Variants in SGIP1 observed in about 807,000 individuals in gnomAD.
SGIP1 encodes the protein SH3GL interacting endocytic adaptor 1.
SGIP1 carries 38 observed loss-of-function variants against 107.5 expected under a neutral mutation model. That is an observed-to-expected ratio of 0.35 (90% CI 0.27 to 0.46). SGIP1 has a LOEUF of 0.46. Among genes scored for constraint, SGIP1 ranks in the 20% least tolerant of loss-of-function variants. SGIP1 has a pLI of 1.00. For missense variants in SGIP1, 929 were observed against 1,019.5 expected (o/e 0.91, Z 1.21); for synonymous variants, 365 against 366.1 (o/e 1.00, Z 0.03).
At position 66,610,349 on chromosome 1, in the gene SGIP1, C is replaced by G. The variant is rs141499842; in HGVS notation, c.11-15498C>G. Among the ~76,000 whole-genome samples, 13 of 152,264 alleles carry G rather than the reference C, an allele frequency of 8.5e-5. No homozygotes were observed. The East Asian group carries it at 2.5e-3, about 29-fold the overall frequency. On this transcript the variant is annotated intron_variant, in intron 1 of 24. Coordinates refer to ENST00000371037, the MANE Select transcript of SGIP1 (RefSeq NM_032291.4). ...TATATACCTCTCATATTTAATGAAGCAAGTTGGTAAAGCATACCAAACTGA... is the reference window on the plus strand; with the variant it reads ...TATATACCTCTCATATTTAATGAAGGAAGTTGGTAAAGCATACCAAACTGA...
chr1:66,626,125 T>G, intron 2 of SGIP1: 1 of 288,920 alleles, frequency 3.5e-6, no homozygotes, highest in Non-Finnish European at 6.1e-6. Flanking sequence ...TTTATCACAT[T>G]TTTCTTTCTT....
In SGIP1 at chr1:66,749,152, A is replaced by ATTG. The variant is rs10657522; in HGVS notation, c.*6059_*6060insGTT. Among the ~76,000 whole-genome samples the ATTG allele has an allele frequency of 0.68, 102,822 of 151,498 alleles. 35,897 individuals carry two copies. Among genetic ancestry groups the ATTG allele is most frequent in the African/African-American group, 0.77 (31,773 of 41,366 alleles). ...AAAACAAAACAATAAAATTATTTTAATTTTTGTATTATTTTTAAGGCTTGC... is the reference window on the plus strand; with the variant it reads ...AAAACAAAACAATAAAATTATTTTAATTGTTTTTGTATTATTTTTAAGGCTTGC... On this transcript the variant is annotated 3_prime_UTR_variant, in exon 25 of 25. Coordinates refer to ENST00000371037, the MANE Select transcript of SGIP1 (RefSeq NM_032291.4).
chr1:66,653,989 C>A (rs1053776569), intron 7 of SGIP1, among the ~76,000 whole-genome samples: 1 of 152,080 alleles, frequency 6.6e-6, no homozygotes, highest in African/African-American at 2.4e-5. Flanking sequence ...AAATCTTGCA[C>A]CCAGAGCTTG....
At chr1:66,694,110 T>G (rs1226042722) in intron 17 of SGIP1, among the ~76,000 whole-genome samples, 1 of 152,192 alleles carries the variant, frequency 6.6e-6, no homozygotes, top group Non-Finnish European at 1.5e-5. Flanking sequence ...TACACTTGCA[T>G]AAGTCAATTA....
chr1:66,547,736 A>C (rs1029396527), intron 1 of SGIP1, among the ~76,000 whole-genome samples: 2 of 152,182 alleles, frequency 1.3e-5, no homozygotes, highest in African/African-American at 4.8e-5. Context: ...AAGATTAACA[A>C]ACCAAATGAA....
chr1:66,612,583 G>A (rs1012426722), intron 1 of SGIP1, among the ~76,000 whole-genome samples: 2 of 152,180 alleles, frequency 1.3e-5, no homozygotes, highest in South Asian at 2.1e-4. Context: ...ATCAATAAAT[G>A]ATATTAATTT....
intron 12 of SGIP1, among the ~76,000 whole-genome samples, chr1:66,673,592 G>A (rs2084404296): frequency 6.6e-6 from 1 of 152,108 alleles, no homozygotes; most frequent in Admixed American, 6.5e-5. Flanking sequence ...TAGCTAAGAA[G>A]CTCATTCTTC....
intron 17 of SGIP1, chr1:66,694,487 G>C (rs748277085): frequency 1.9e-6 from 3 of 1,604,560 alleles, no homozygotes; most frequent in Non-Finnish European, 2.5e-6. Context: ...TTTGAAAGGC[G>C]CTGTGAAACG....
At position 66,570,151 on chromosome 1, in the gene SGIP1, T is replaced by C. The variant is rs139446412; in HGVS notation, c.10+35783T>C. 3.1e-3 allele frequency among the ~76,000 whole-genome samples: 464 copies of C among 152,016 alleles called. 2 individuals carry two copies. The highest frequency in any genetic ancestry group is 0.011 in the African/African-American group (439 of 41,528). On this transcript the variant is annotated intron_variant, in intron 1 of 24. Coordinates refer to ENST00000371037, the MANE Select transcript of SGIP1 (RefSeq NM_032291.4). ...CCTGGCTAGAGGCTTATAGGTTTTA[T>C]TGATCTTTTCAATAAAACATTTTTT...
At chr1:66,559,046 C>T (rs1452416466) in intron 1 of SGIP1, among the ~76,000 whole-genome samples, 2 of 152,030 alleles carry the variant, frequency 1.3e-5, no homozygotes, top group African/African-American at 4.8e-5. Flanking sequence ...CTTGAAAGCT[C>T]CTCAGGAGAT....
Position 66,747,652 on chromosome 1 carries a change from C to T in SGIP1, c.*4557C>T, listed in dbSNP as rs1167448049. 1 of 151,954 alleles carries T rather than the reference C, an allele frequency of 6.6e-6. No individual in the cohort carries two copies. The highest frequency in any genetic ancestry group is 1.5e-5 in the Non-Finnish European group (1 of 67,852). 9.4% of individuals were successfully genotyped at this position (151,954 alleles called of 1,614,324 possible). A position where few individuals can be genotyped will look rare whatever the true frequency, so the allele number is the denominator to read the frequency against. ...TTTATTTTGTAAGCTTTTGACTTTA[C>T]AAACATGTGGTAGCCTCATTCTAAA... On this transcript the variant is annotated 3_prime_UTR_variant, in exon 25 of 25. Coordinates refer to ENST00000371037, the MANE Select transcript of SGIP1 (RefSeq NM_032291.4).
chr1:66,655,806 G>A (rs1430032954), intron 7 of SGIP1, among the ~76,000 whole-genome samples: 1 of 151,894 alleles, frequency 6.6e-6, no homozygotes, highest in Non-Finnish European at 1.5e-5. Context: ...AGTTGCTCTC[G>A]GTGAGCCAGT....
At chr1:66,606,095 G>A (rs1291478924) in intron 1 of SGIP1, among the ~76,000 whole-genome samples, 2 of 152,024 alleles carry the variant, frequency 1.3e-5, no homozygotes, top group Admixed American at 1.3e-4. Context: ...TTTAAAAATA[G>A]GCATTATGTA....
intron 9 of SGIP1, among the ~76,000 whole-genome samples, chr1:66,669,669 A>C (rs1321995188): frequency 6.6e-6 from 1 of 152,204 alleles, no homozygotes; most frequent in Non-Finnish European, 1.5e-5. Context: ...ATTTATTAGA[A>C]AGTATTTATA....
At chr1:66,611,606 T>G (rs2068012531) in intron 1 of SGIP1, among the ~76,000 whole-genome samples, 1 of 152,244 alleles carries the variant, frequency 6.6e-6, no homozygotes, top group Non-Finnish European at 1.5e-5. Flanking sequence ...TTCTTCACAT[T>G]CTCTTCCTTT....
upstream of SGIP1, chr1:66,533,611 G>A (rs2052881882): frequency 6.6e-6 from 1 of 152,262 alleles, no homozygotes; most frequent in Admixed American, 6.5e-5. Context: ...GAGACGGAGA[G>A]AGAGAGAGAC....
intron 1 of SGIP1, among the ~76,000 whole-genome samples, chr1:66,542,174 C>T (rs2055128988): frequency 6.6e-6 from 1 of 151,784 alleles, no homozygotes; most frequent in African/African-American, 2.4e-5. Flanking sequence ...AGATATCAAT[C>T]AGTAGGTATC....
intron 12 of SGIP1, 64 bp downstream of exon 12, chr1:66,673,430 A>ATTTT: frequency 7.3e-7 from 1 of 1,368,796 alleles, no homozygotes. Context: ...CAACTCTTCT[A>ATTTT]GATTAAATGT....
At chr1:66,614,110 G>A (rs1056386427) in intron 1 of SGIP1, among the ~76,000 whole-genome samples, 2 of 152,158 alleles carry the variant, frequency 1.3e-5, no homozygotes, top group African/African-American at 4.8e-5. Context: ...CCTAGGATCT[G>A]AGAATCATTA....
Sources: allele counts gnomAD v4.1 joint callset (sites outside exome capture counted in the v4.1 genomes callset), GRCh38; gene constraint gnomAD v4.1.1; transcripts MANE v1.5; gene names NCBI Gene and HGNC (gene_info 2026-07-23, HGNC 2026-07-21).